Variants in DNAAF5 observed in about 807,000 individuals in gnomAD.
DNAAF5 encodes dynein axonemal assembly factor 5, also known as HEAT repeat containing 2.
In DNAAF5, 64 loss-of-function variants were observed where a neutral mutation model predicts 75.8. The observed-to-expected ratio is 0.84, with a 90% CI of 0.69 to 1.04. The LOEUF (loss-of-function observed/expected upper bound fraction) is 1.04, where lower values mean the gene tolerates loss of function less well. Among genes scored for constraint, DNAAF5 ranks in the 50% least tolerant of loss-of-function variants. The pLI, the probability that DNAAF5 is intolerant of heterozygous loss-of-function variation, is 0.00. For synonymous variants in DNAAF5, 657 were observed against 557.2 expected (o/e 1.18, Z -2.52); for missense variants, 1,269 against 1,178.5 (o/e 1.08, Z -1.12).
At chr7:770,963 C>CACAAGCTCTCGGCAGGGA (rs11271654) in intron 9 of DNAAF5, 144,447 of 189,062 alleles carry the variant, frequency 0.76, 56,121 homozygotes, top group South Asian at 0.84. Context: ...ACTGGGTAAA[C>CACAAGCTCTCGGCAGGGA]ACAAGCTCTC....
chr7:777,053 C>T (rs754744461), intron 11 of DNAAF5, among the ~76,000 whole-genome samples: 2 of 152,228 alleles, frequency 1.3e-5, no homozygotes, highest in Non-Finnish European at 1.5e-5. Flanking sequence ...TGTCTCCCAT[C>T]GTCCCCACAT....
At chr7:727,871 T>C (rs1331557940) in intron 1 of DNAAF5, among the ~76,000 whole-genome samples, 7 of 144,964 alleles carry the variant, frequency 4.8e-5, no homozygotes, top group African/African-American at 1.8e-4. Flanking sequence ...TCCAGATACC[T>C]GGAAACCACC....
At chr7:768,536 G>A (rs1310790026) in intron 8 of DNAAF5, 1 of 152,104 alleles carries the variant, frequency 6.6e-6, no homozygotes, top group Non-Finnish European at 1.5e-5. Flanking sequence ...TCCAGTGGAA[G>A]TGTCCGTGCT....
At chr7:770,819 G>C in intron 9 of DNAAF5, 2 of 534,430 alleles carry the variant, frequency 3.7e-6, no homozygotes, top group Non-Finnish European at 6.6e-6. Context: ...CCCACGCCGA[G>C]TCTAAGGTGG....
At chr7:769,325 G>C in intron 8 of DNAAF5, 1 of 646,176 alleles carries the variant, frequency 1.5e-6, no homozygotes. Context: ...TCCTGGGCCT[G>C]CAGGCTGAGC....
rs149617947 is a variant in DNAAF5 at position 765,471 on chromosome 7, G to A, written c.1783+1497G>A. 9.7e-4 allele frequency among the ~76,000 whole-genome samples: 147 copies of A among 152,284 alleles called. 1 individual carries two copies. The highest frequency in any genetic ancestry group is 8.3e-3 in the South Asian group (40 of 4,816). ...CCAGAAAATTGGGCACACAAACCCC[G>A]AGAGACGTGGCTTGCAGTGAAGCCA... On this transcript the variant is annotated intron_variant, in intron 8 of 12. Transcript: ENST00000297440.
rs748559230 is a variant in DNAAF5, at chr7:729,658, C to CTCAGACCACT, written c.596-2_603dup. 1 of 1,613,042 alleles carries CTCAGACCACT rather than the reference C, an allele frequency of 6.2e-7. No homozygotes were observed. The highest frequency in any genetic ancestry group is 2.2e-5 in the East Asian group (1 of 44,852). On this transcript the variant is annotated splice_polypyrimidine_tract_variant and splice_region_variant and intron_variant, in intron 1 of 12. Transcript: ENST00000297440. ...CTGGTAACTGGGGGCCTCCCTGTCC[C>CTCAGACCACT]TCAGACCACTTCCACATGCAGTCGG...
At chr7:756,715 C>T (rs1227024015) in intron 5 of DNAAF5, 67 bp from the exon 6 acceptor site, 11 of 1,499,832 alleles carry the variant, frequency 7.3e-6, no homozygotes, top group South Asian at 4.5e-5. Context: ...GCCACGGCGC[C>T]GAGAGCAGGA....
At chr7:771,726 C>G (rs1361494058) in intron 9 of DNAAF5, 1 of 152,104 alleles carries the variant, frequency 6.6e-6, no homozygotes, top group African/African-American at 2.4e-5. Flanking sequence ...CAGCAGGGTC[C>G]AGGCCCTTCC....
intron 6 of DNAAF5, among the ~76,000 whole-genome samples, chr7:761,318 C>T (rs1339758281): frequency 2.0e-5 from 3 of 152,264 alleles, no homozygotes; most frequent in Admixed American, 6.5e-5. Context: ...CTAGGAGCCC[C>T]GGGCGGGCTC....
chr7:733,885 C>T (rs905381524), intron 2 of DNAAF5, among the ~76,000 whole-genome samples: 2 of 152,128 alleles, frequency 1.3e-5, no homozygotes, highest in African/African-American at 4.8e-5. Context: ...AATGGAATTA[C>T]TTTCTTGATT....
At chr7:746,325 C>T (rs1171314652) in intron 4 of DNAAF5, among the ~76,000 whole-genome samples, 1 of 138,664 alleles carries the variant, frequency 7.2e-6, no homozygotes, top group Admixed American at 7.2e-5. Flanking sequence ...CCCCGCCCGT[C>T]ATGCCCAGGG....
intron 4 of DNAAF5, among the ~76,000 whole-genome samples, chr7:749,165 A>G (rs1782212927): frequency 6.6e-6 from 1 of 152,154 alleles, no homozygotes; most frequent in African/African-American, 2.4e-5. Context: ...CAAGTCGGTC[A>G]TTTCCCTGAA....
At chr7:772,232 C>G (rs1483864845) in intron 9 of DNAAF5, 1 of 152,252 alleles carries the variant, frequency 6.6e-6, no homozygotes, top group Non-Finnish European at 1.5e-5. Context: ...CTGTGTCTTA[C>G]CTGGGACACT....
intron 1 of DNAAF5, 94 bp downstream of exon 1, chr7:727,409 C>A: frequency 1.6e-6 from 1 of 628,786 alleles, no homozygotes; most frequent in Non-Finnish European, 2.1e-6. Flanking sequence ...GCGGCTCGGC[C>A]CCGCCCCCCT....
chr7:735,465 C>G (rs532359559), intron 2 of DNAAF5, among the ~76,000 whole-genome samples: 1 of 150,360 alleles, frequency 6.7e-6, no homozygotes, highest in South Asian at 2.1e-4. Context: ...TGTAGCTGCT[C>G]CCGGTGTAGC....
Position 758,654 on chromosome 7 carries a change from C to T in DNAAF5, c.1470+1660C>T, listed in dbSNP as rs1041116292. On this transcript the variant is annotated intron_variant, in intron 6 of 12. Coordinates refer to ENST00000297440, the MANE Select transcript of DNAAF5 (RefSeq NM_017802.4). Reference sequence around the variant, plus strand: ...CACTGGGACTACAGGTGTGCACCACCACACCTGGGTAATTTTTTTTTATTT... The same window carrying T: ...CACTGGGACTACAGGTGTGCACCACTACACCTGGGTAATTTTTTTTTATTT... 3.3e-5 allele frequency among the ~76,000 whole-genome samples: 5 copies of T among 152,212 alleles called. No individual in the cohort carries two copies. The East Asian group carries it at 7.7e-4, about 23-fold the overall frequency.
At chr7:752,022 C>A (rs1782313164) in intron 4 of DNAAF5, among the ~76,000 whole-genome samples, 1 of 152,186 alleles carries the variant, frequency 6.6e-6, no homozygotes, top group Non-Finnish European at 1.5e-5. Flanking sequence ...GGCAGCAGGT[C>A]CTGGGTGCAA....
At chr7:740,751 G>C (rs528217842) in intron 2 of DNAAF5, 68 bp from the exon 3 acceptor site, 1 of 1,592,850 alleles carries the variant, frequency 6.3e-7, no homozygotes, top group African/African-American at 1.3e-5. Context: ...ACTCAGAGCC[G>C]CACCGTGGCG....
Sources: allele counts gnomAD v4.1 joint callset (sites outside exome capture counted in the v4.1 genomes callset), GRCh38; gene constraint gnomAD v4.1.1; transcripts MANE v1.5; gene names NCBI Gene and HGNC (gene_info 2026-07-23, HGNC 2026-07-21).